The following SCGB2B2 variants were observed in gnomAD, a reference collection of about 807,000 sequenced individuals.
SCGB2B2 encodes secretoglobin family 2B member 2, also known as secretoglobin-like protein.
A neutral mutation model predicts 7.6 loss-of-function variants in SCGB2B2; 11 were observed. That is an observed-to-expected ratio of 1.45 (90% CI 0.91 to 2.40). The LOEUF (loss-of-function observed/expected upper bound fraction) is 2.40. SCGB2B2 is among the 30% of genes most tolerant of loss of function. The pLI is 0.00. For missense variants in SCGB2B2, 104 were observed against 115.4 expected, an observed-to-expected ratio of 0.90 and a Z score of 0.45; for synonymous variants, 50 against 48.6, an observed-to-expected ratio of 1.03 and a Z score of -0.12.
chr19:34,674,537 T>G (rs546385137), intron 1 of SCGB2B2, among the ~76,000 whole-genome samples: 1 of 152,298 alleles, frequency 6.6e-6, no homozygotes, highest in South Asian at 2.1e-4. Flanking sequence ...TAAAATGTCC[T>G]GGAGAGATAA....
chr19:34,634,841 C>T (rs2066631846), intron 1 of SCGB2B2: 3 of 255,522 alleles, frequency 1.2e-5, no homozygotes, highest in Non-Finnish European at 2.5e-5. Flanking sequence ...ATTCGCTGCA[C>T]ACATAGGGCC....
In SCGB2B2 at chr19:34,595,808, G is replaced by A. The variant is rs114337294; in HGVS notation, c.-1245C>T. On this transcript the variant is annotated 5_prime_UTR_variant, in exon 2 of 4. Transcript: ENST00000601241. The stretch of plus-strand genomic sequence containing the variant: ...AAGTGTGACCCCAGGGGCAGAATCA[G>A]CAGGTGGGGACAGCTGGGGGTGGGG... 0.012 allele frequency: 1,799 copies of A among 152,472 alleles called. 39 individuals are homozygous for A. The highest frequency in any genetic ancestry group is 0.039 in the African/African-American group (1,619 of 41,582). The allele number at this position is 152,472 out of a possible 1,614,324, so 9.4% of individuals were successfully genotyped here. A position where few individuals can be genotyped will look rare whatever the true frequency, so the allele number is the denominator to read the frequency against.
At chr19:34,597,511 T>C (rs2065493994) in intron 1 of SCGB2B2, among the ~76,000 whole-genome samples, 1 of 152,210 alleles carries the variant, frequency 6.6e-6, no homozygotes, top group African/African-American at 2.4e-5. Flanking sequence ...CCTGGGACTC[T>C]GGCTGGCACT....
Position 34,600,240 on chromosome 19 carries a change from G to GT in SCGB2B2, c.-2031-3647dup, listed in dbSNP as rs2065585446. Among the ~76,000 whole-genome samples the GT allele has an allele frequency of 5.3e-5, 8 of 152,072 alleles. No individual in the cohort carries two copies. In the South Asian group the frequency reaches 1.7e-3, roughly 32 times the overall value. Reference sequence around the variant, plus strand: ...GGGATCGTAATGTGTCTGTTCTCCCGTATCTTACTTTTTTGTTCCCCATTG... The same window carrying GT: ...GGGATCGTAATGTGTCTGTTCTCCCGTTATCTTACTTTTTTGTTCCCCATTG... On this transcript the variant is annotated intron_variant, in intron 1 of 3. Coordinates refer to ENST00000601241, the MANE Select transcript of SCGB2B2 (RefSeq NM_001025591.4).
At chr19:34,601,532 T>C (rs1429142732) in intron 1 of SCGB2B2, among the ~76,000 whole-genome samples, 5 of 152,252 alleles carry the variant, frequency 3.3e-5, no homozygotes, top group Non-Finnish European at 7.3e-5. Context: ...TATGTATCTC[T>C]GTACCACTCA....
intron 1 of SCGB2B2, among the ~76,000 whole-genome samples, chr19:34,597,161 C>T (rs930790015): frequency 6.6e-6 from 1 of 152,004 alleles, no homozygotes; most frequent in African/African-American, 2.4e-5. Flanking sequence ...CCATCAGCCC[C>T]ACCACATGTG....
At chr19:34,641,644 G>A (rs2066844486) in intron 1 of SCGB2B2, among the ~76,000 whole-genome samples, 1 of 111,700 alleles carries the variant, frequency 9.0e-6, no homozygotes, top group Non-Finnish European at 1.9e-5. Context: ...ATGTAAATTG[G>A]GTGATCACCT....
chr19:34,641,977 C>T (rs1236549085), intron 1 of SCGB2B2, among the ~76,000 whole-genome samples: 1 of 140,920 alleles, frequency 7.1e-6, no homozygotes, highest in East Asian at 2.1e-4. Context: ...TACAGTAAAC[C>T]TTTCAGGGGC....
Position 34,593,224 on chromosome 19 carries a change from G to T in SCGB2B2, c.*331C>A, listed in dbSNP as rs553066029. On this transcript the variant is annotated 3_prime_UTR_variant, in exon 4 of 4. Transcript: ENST00000601241. ...GTATTCTGCTACTCAGGAGGCAGAG[G>T]CAGGAGAATCGCTTGAACCCAGAAG... 2 of 243,844 alleles carry T rather than the reference G, an allele frequency of 8.2e-6. No individual in the cohort carries two copies. The highest frequency in any genetic ancestry group is 4.5e-5 in the African/African-American group (2 of 44,748). The allele number at this position is 243,844 out of a possible 1,614,324, so 15.1% of individuals were successfully genotyped here.
At chr19:34,627,084 G>C (rs2066398170) in intron 1 of SCGB2B2, among the ~76,000 whole-genome samples, 3 of 152,162 alleles carry the variant, frequency 2.0e-5, no homozygotes, top group East Asian at 1.9e-4. Context: ...CACCAGGCCT[G>C]CCCTACAAGA....
At chr19:34,615,621 A>G (rs2066052093) in intron 1 of SCGB2B2, among the ~76,000 whole-genome samples, 1 of 150,838 alleles carries the variant, frequency 6.6e-6, no homozygotes. Flanking sequence ...TGCTGATGTT[A>G]CTCCTGTAAT....
chr19:34,640,962 G>C (rs1357754383), intron 1 of SCGB2B2, among the ~76,000 whole-genome samples: 2 of 151,992 alleles, frequency 1.3e-5, no homozygotes, highest in African/African-American at 4.8e-5. Flanking sequence ...CTAATTTGAG[G>C]TCTCCCCTTC....
chr19:34,631,285 A>G (rs10424318), intron 1 of SCGB2B2, among the ~76,000 whole-genome samples: 47,787 of 151,004 alleles, frequency 0.32, 8,388 homozygotes, highest in Middle Eastern at 0.47. Context: ...AAATTTGTAA[A>G]CTTTCTTAGA....
intron 1 of SCGB2B2, chr19:34,635,379 T>C (rs577574843): frequency 2.4e-5 from 7 of 290,866 alleles, no homozygotes; most frequent in African/African-American, 1.1e-4. Flanking sequence ...AAGGTTTTTA[T>C]GCCTAACAAG....
chr19:34,622,416 T>G (rs1199823934), intron 1 of SCGB2B2, among the ~76,000 whole-genome samples: 2 of 152,208 alleles, frequency 1.3e-5, no homozygotes, highest in Admixed American at 1.3e-4. Flanking sequence ...GGGCGAGTTA[T>G]CTCACTGTAC....
At chr19:34,641,601 T>C (rs2066842969) in intron 1 of SCGB2B2, among the ~76,000 whole-genome samples, 1 of 152,180 alleles carries the variant, frequency 6.6e-6, no homozygotes, top group Non-Finnish European at 1.5e-5. Flanking sequence ...CAGATGGCTA[T>C]AACTTCTCTT....
intron 1 of SCGB2B2, among the ~76,000 whole-genome samples, chr19:34,628,916 C>A (rs1033250747): frequency 6.6e-6 from 1 of 151,928 alleles, no homozygotes; most frequent in African/African-American, 2.4e-5. Context: ...AAAAGCTTAT[C>A]CACCACAATC....
intron 1 of SCGB2B2, among the ~76,000 whole-genome samples, chr19:34,673,742 T>G (rs1285721354): frequency 6.6e-6 from 1 of 152,194 alleles, no homozygotes; most frequent in East Asian, 1.9e-4. Context: ...TTACGGGTAT[T>G]GGGACATCTG....
chr19:34,612,134 T>G (rs941367242), intron 1 of SCGB2B2, among the ~76,000 whole-genome samples: 101 of 143,686 alleles, frequency 7.0e-4, no homozygotes, highest in African/African-American at 2.5e-3. Context: ...GCCTCCTGGA[T>G]TCAAGTGATT....
Sources: allele counts gnomAD v4.1 joint callset (sites outside exome capture counted in the v4.1 genomes callset), GRCh38; gene constraint gnomAD v4.1.1; transcripts MANE v1.5; gene names NCBI Gene and HGNC (gene_info 2026-07-23, HGNC 2026-07-21).